Variants in CDH18 observed in about 807,000 individuals in gnomAD.
The protein encoded by CDH18 is cadherin 18, also known as cadherin-18.
Under a neutral mutation model 67.9 loss-of-function variants are expected in CDH18, and 31 were observed. The ratio of observed to expected loss-of-function variants is 0.46; its 90% CI spans 0.34 to 0.62. The LOEUF is 0.62. CDH18 is among the 20% of genes least tolerant of loss of function. CDH18 has a pLI of 0.01. For synonymous variants in CDH18, 362 were observed against 347.2 expected (o/e 1.04, Z -0.48); for missense variants, 890 against 975.5 (o/e 0.91, Z 1.17).
At chr5:20,149,226 T>C (rs1750908951) in intron 2 of CDH18, among the ~76,000 whole-genome samples, 1 of 152,178 alleles carries the variant, frequency 6.6e-6, no homozygotes, top group Admixed American at 6.6e-5. Flanking sequence ...GAGGCATATA[T>C]TTACCCTAAT....
Position 20,328,006 on chromosome 5 carries a change from A to G in CDH18, c.-579-72501T>C, listed in dbSNP as rs185237362. Among the ~76,000 whole-genome samples, 8 of 152,320 alleles carry G rather than the reference A, an allele frequency of 5.3e-5. No individual in the cohort carries two copies. In the East Asian group the frequency reaches 1.5e-3, roughly 29 times the overall value. ...ATAGCTGGCAAAGGAAACAAATGCAAAAGTCCTGGGGAATAGAGACTTAGC... is the reference window on the plus strand; with the variant it reads ...ATAGCTGGCAAAGGAAACAAATGCAGAAGTCCTGGGGAATAGAGACTTAGC... On this transcript the variant is annotated intron_variant, in intron 1 of 14. Transcript: ENST00000507958.
chr5:19,582,526 A>G (rs2149990090), intron 7 of CDH18, among the ~76,000 whole-genome samples: 1 of 150,854 alleles, frequency 6.6e-6, no homozygotes, highest in African/African-American at 2.4e-5. Context: ...AATAGATATT[A>G]CTGAATTGAA....
At chr5:20,131,320 C>T (rs1034349633) in intron 2 of CDH18, among the ~76,000 whole-genome samples, 2 of 151,976 alleles carry the variant, frequency 1.3e-5, no homozygotes, top group Admixed American at 6.6e-5. Context: ...ATCTGTAAGA[C>T]AAAATAATTA....
intron 1 of CDH18, among the ~76,000 whole-genome samples, chr5:20,473,471 G>A (rs1218353969): frequency 6.6e-6 from 1 of 151,938 alleles, no homozygotes; most frequent in Non-Finnish European, 1.5e-5. Context: ...GATGCGCTAT[G>A]ACTTCACTAA....
rs1254491480 is a variant in CDH18 at position 19,834,476 on chromosome 5, C to T, written c.228+4283G>A. ...TGTTAATTTTTTTCAAAAAAAACAG[C>T]TCCTGGATTCACTGATTTTTTGGAG... is the stretch of plus-strand genomic sequence containing the variant. On this transcript the variant is annotated intron_variant, in intron 3 of 12. Coordinates refer to ENST00000382275, the MANE Select transcript of CDH18 (RefSeq NM_004934.5). 2.0e-5 allele frequency among the ~76,000 whole-genome samples: 3 copies of T among 151,590 alleles called. No homozygotes were observed. The East Asian group carries it at 5.8e-4, about 29-fold the overall frequency.
intron 1 of CDH18, among the ~76,000 whole-genome samples, chr5:20,302,103 C>CAGAAT (rs1735989121): frequency 6.6e-6 from 1 of 152,116 alleles, no homozygotes; most frequent in Non-Finnish European, 1.5e-5. Flanking sequence ...TTCAGAATAA[C>CAGAAT]AAAATATACA....
chr5:20,133,720 C>T (rs576050928), intron 2 of CDH18, among the ~76,000 whole-genome samples: 2 of 151,952 alleles, frequency 1.3e-5, no homozygotes, highest in East Asian at 3.9e-4. Flanking sequence ...GCCCCCTAAC[C>T]TTCAAGATTT....
At chr5:19,645,675 C>T (rs755440691) in intron 5 of CDH18, among the ~76,000 whole-genome samples, 4 of 152,096 alleles carry the variant, frequency 2.6e-5, no homozygotes, top group Non-Finnish European at 5.9e-5. Context: ...GGAATCAGTG[C>T]TGAATAAGCA....
intron 7 of CDH18, among the ~76,000 whole-genome samples, chr5:19,579,649 T>TTA (rs2149977436): frequency 6.6e-6 from 1 of 152,024 alleles, no homozygotes; most frequent in Non-Finnish European, 1.5e-5. Context: ...AATATTTGAC[T>TTA]TATTAGCTCG....
chr5:20,480,818 C>T (rs1264249127), intron 1 of CDH18, among the ~76,000 whole-genome samples: 1 of 152,044 alleles, frequency 6.6e-6, no homozygotes, highest in Non-Finnish European at 1.5e-5. Context: ...TTGCAAACCT[C>T]ATGGTAACCT....
chr5:19,684,167 CAT>C (rs1760735625), intron 5 of CDH18, among the ~76,000 whole-genome samples: 2 of 152,040 alleles, frequency 1.3e-5, no homozygotes, highest in Admixed American at 6.6e-5. Context: ...AGCAAAAAAT[CAT>C]AGACAAATGT....
intron 2 of CDH18, among the ~76,000 whole-genome samples, chr5:20,187,573 G>A (rs1394725473): frequency 6.6e-6 from 1 of 151,822 alleles, no homozygotes; most frequent in Non-Finnish European, 1.5e-5. Flanking sequence ...GCTTGCAGCT[G>A]TCAAATACAT....
chr5:20,388,403 C>T (rs1046932684), intron 1 of CDH18, among the ~76,000 whole-genome samples: 3 of 150,164 alleles, frequency 2.0e-5, no homozygotes, highest in African/African-American at 7.4e-5. Context: ...TCTATGGGAT[C>T]GGTGGTGATA....
chr5:20,416,605 A>G (rs1747329977), intron 1 of CDH18, among the ~76,000 whole-genome samples: 1 of 152,114 alleles, frequency 6.6e-6, no homozygotes, highest in African/African-American at 2.4e-5. Flanking sequence ...TGAAATAGTC[A>G]CAGACTTTGG....
intron 8 of CDH18, among the ~76,000 whole-genome samples, chr5:19,548,472 C>T (rs1736727631): frequency 6.6e-6 from 1 of 151,780 alleles, no homozygotes; most frequent in Admixed American, 6.6e-5. Flanking sequence ...AGAGGAAATA[C>T]TTAAATGCGT....
chr5:19,480,866 T>C (rs1579693585), intron 12 of CDH18, among the ~76,000 whole-genome samples: 1 of 152,252 alleles, frequency 6.6e-6, no homozygotes, highest in East Asian at 1.9e-4. Flanking sequence ...TCCTCTCATC[T>C]CAGCCTCTCA....
chr5:19,918,245 C>T (rs954755946), intron 2 of CDH18, among the ~76,000 whole-genome samples: 1 of 152,152 alleles, frequency 6.6e-6, no homozygotes, highest in Non-Finnish European at 1.5e-5. Context: ...GAACTTCCAA[C>T]ATGACAACAA....
chr5:20,209,315 C>T (rs1452374383), intron 2 of CDH18, among the ~76,000 whole-genome samples: 1 of 152,020 alleles, frequency 6.6e-6, no homozygotes, highest in Non-Finnish European at 1.5e-5. Context: ...ATGCTTATTG[C>T]AGCACTATAC....
chr5:20,252,622 G>T (rs1001276270), intron 2 of CDH18, among the ~76,000 whole-genome samples: 3 of 151,856 alleles, frequency 2.0e-5, no homozygotes, highest in Non-Finnish European at 2.9e-5. Context: ...AACTTTGCTG[G>T]TCCTATGTCT....
Sources: allele counts gnomAD v4.1 joint callset (sites outside exome capture counted in the v4.1 genomes callset), GRCh38; gene constraint gnomAD v4.1.1; transcripts MANE v1.5; gene names NCBI Gene and HGNC (gene_info 2026-07-23, HGNC 2026-07-21).